The following VPS4B variants were observed in gnomAD, a reference collection of about 807,000 sequenced individuals.
The protein encoded by VPS4B is vacuolar protein sorting-associated protein 4B.
VPS4B carries 23 observed loss-of-function variants against 56.1 expected under a neutral mutation model. The observed-to-expected ratio is 0.41, with a 90% CI of 0.30 to 0.58. VPS4B has a LOEUF of 0.58. Among genes scored for constraint, VPS4B ranks in the 20% least tolerant of loss-of-function variants. The pLI, the probability that VPS4B is intolerant of heterozygous loss-of-function variation, is 0.29. For synonymous variants in VPS4B, 177 were observed against 186.0 expected (o/e 0.95, Z 0.39); for missense variants, 372 against 531.9 (o/e 0.70, Z 2.96).
intron 1 of VPS4B, among the ~76,000 whole-genome samples, chr18:63,419,404 G>A (rs1449763664): frequency 6.6e-6 from 1 of 151,468 alleles, no homozygotes; most frequent in Non-Finnish European, 1.5e-5. Flanking sequence ...GCAATAGAGT[G>A]AGACTCTGTC....
chr18:63,404,181 A>C (rs1336180279), intron 4 of VPS4B, among the ~76,000 whole-genome samples: 3 of 152,212 alleles, frequency 2.0e-5, no homozygotes, highest in Non-Finnish European at 4.4e-5. Flanking sequence ...ACGTTCCATA[A>C]GGTGGTTATA....
intron 5 of VPS4B, among the ~76,000 whole-genome samples, chr18:63,401,515 C>T (rs1915808362): frequency 6.6e-6 from 1 of 152,042 alleles, no homozygotes; most frequent in African/African-American, 2.4e-5. Flanking sequence ...CAGCCTCCAG[C>T]TAGGTAGCAG....
chr18:63,407,153 G>T (rs565292693), intron 4 of VPS4B, among the ~76,000 whole-genome samples: 1 of 152,220 alleles, frequency 6.6e-6, no homozygotes, highest in East Asian at 1.9e-4. Flanking sequence ...TCTCTAAAAG[G>T]CGGCAAATAA....
At chr18:63,409,258 A>G (rs1644407919) in intron 3 of VPS4B, among the ~76,000 whole-genome samples, 1 of 152,218 alleles carries the variant, frequency 6.6e-6, no homozygotes. Context: ...CATAGTTTGA[A>G]GCAGCCAAGT....
chr18:63,407,009 G>C (rs1166885661), intron 4 of VPS4B, among the ~76,000 whole-genome samples: 1 of 152,170 alleles, frequency 6.6e-6, no homozygotes, highest in Non-Finnish European at 1.5e-5. Context: ...GAGCAGTTAA[G>C]AAACAAAATA....
In VPS4B at chr18:63,422,353, TG is replaced by T; in HGVS notation, c.-95del. On this transcript the variant is annotated 5_prime_UTR_variant, in exon 1 of 11. Coordinates refer to ENST00000238497, the MANE Select transcript of VPS4B (RefSeq NM_004869.4). Reference sequence around the variant, plus strand: ...GCGCACGGGGTAACAGCCCTCAAACTGGGGAGGCCGGTGGTTCTCGGACCGC... The same window carrying T: ...GCGCACGGGGTAACAGCCCTCAAACTGGGAGGCCGGTGGTTCTCGGACCGC... 8.0e-7 allele frequency: 1 copy of T among 1,252,362 alleles called. No homozygotes were observed. The highest frequency in any genetic ancestry group is 1.1e-6 in the Non-Finnish European group (1 of 951,374). 77.6% of individuals were successfully genotyped at this position (1,252,362 alleles called of 1,614,324 possible).
At chr18:63,404,412 G>C (rs1460383453) in intron 4 of VPS4B, 1 of 152,122 alleles carries the variant, frequency 6.6e-6, no homozygotes, top group Non-Finnish European at 1.5e-5. Context: ...AGATACCCCT[G>C]CAGATTTGCA....
intron 4 of VPS4B, among the ~76,000 whole-genome samples, chr18:63,404,954 G>C (rs146880126): frequency 6.6e-6 from 1 of 151,816 alleles, no homozygotes. Flanking sequence ...AATTCATTTC[G>C]TCTTTTTTAT....
intron 1 of VPS4B, among the ~76,000 whole-genome samples, chr18:63,414,040 T>C (rs945493547): frequency 6.6e-6 from 1 of 152,006 alleles, no homozygotes; most frequent in Non-Finnish European, 1.5e-5. Context: ...AGACTGGTCA[T>C]ATAAAAATGC....
intron 6 of VPS4B, 64 bp from the exon 7 acceptor site, chr18:63,400,260 A>G (rs1568085457): frequency 6.9e-7 from 1 of 1,441,304 alleles, no homozygotes. Flanking sequence ...AAAGTAATAT[A>G]TCAATATTAC....
chr18:63,421,896 C>T (rs1236329811), intron 1 of VPS4B, among the ~76,000 whole-genome samples: 1 of 152,182 alleles, frequency 6.6e-6, no homozygotes, highest in Non-Finnish European at 1.5e-5. Flanking sequence ...TTCAACTGGT[C>T]CAGAATAGGG....
chr18:63,392,115 T>G (rs1915560788), intron 10 of VPS4B, among the ~76,000 whole-genome samples: 1 of 152,216 alleles, frequency 6.6e-6, no homozygotes, highest in Non-Finnish European at 1.5e-5. Context: ...TGTATATCTA[T>G]GTACCGTGTA....
In VPS4B at chr18:63,410,588, A is replaced by G. The variant is rs1255762086; in HGVS notation, c.140-142T>C. The G allele has an allele frequency of 1.6e-5, 18 of 1,123,264 alleles. No homozygotes were observed. In the Middle Eastern group the frequency reaches 8.8e-4, roughly 55 times the overall value. The allele number at this position is 1,123,264 out of a possible 1,614,324, so 69.6% of individuals were successfully genotyped here. ...GATCATCTCTAACTCATCATAGCCAATGATTATCACCTCTTTTCTACCCCT... is the reference window on the plus strand; with the variant it reads ...GATCATCTCTAACTCATCATAGCCAGTGATTATCACCTCTTTTCTACCCCT... On this transcript the variant is annotated intron_variant, in intron 2 of 10. Coordinates refer to ENST00000238497, the MANE Select transcript of VPS4B (RefSeq NM_004869.4).
Position 63,393,454 on chromosome 18 carries a change from C to T in VPS4B, c.1188G>A (p.Trp396Ter). ...PGDPGAIEMT[W>*]MDVPGDKLLE... ...AAAGTTTATCTCCAGGGACATCCAT[C>T]CATGTCATTTCAATGGCACCAGGGT... is the stretch of plus-strand genomic sequence containing the variant. Residue 396 changes from tryptophan (W) to a stop codon, truncating the protein, a stop_gained, in exon 10 of 11, where the codon TGG becomes TGA. Coordinates refer to ENST00000238497, the MANE Select transcript of VPS4B (RefSeq NM_004869.4). LOFTEE classifies it high-confidence loss of function. The T allele has an allele frequency of 6.2e-7, 1 of 1,612,120 alleles. No homozygotes were observed. The highest frequency in any genetic ancestry group is 1.1e-5 in the South Asian group (1 of 90,650).
At position 63,389,792 on chromosome 18, in the gene VPS4B, C is replaced by T. The variant is rs1455135701; in HGVS notation, c.*1183G>A. ...AATATACATATATGTACACAGACAC[C>T]CCATATCACAGACAAGAAACTTCCC... On this transcript the variant is annotated 3_prime_UTR_variant, in exon 11 of 11. Transcript: ENST00000238497. The T allele has an allele frequency of 1.3e-5, 2 of 152,604 alleles. No homozygotes were observed. Among genetic ancestry groups the T allele is most frequent in the South Asian group, 2.1e-4 (1 of 4,810 alleles). The allele number at this position is 152,604 out of a possible 1,614,324, so 9.5% of individuals were successfully genotyped here. A position where few individuals can be genotyped will look rare whatever the true frequency, so the allele number is the denominator to read the frequency against.
intron 1 of VPS4B, among the ~76,000 whole-genome samples, chr18:63,417,256 T>C (rs1916188932): frequency 6.6e-6 from 1 of 152,212 alleles, no homozygotes; most frequent in Admixed American, 6.5e-5. Flanking sequence ...GTGTTAGTTC[T>C]GTTTCTCTGC....
chr18:63,395,462 T>C (rs1915649275), intron 9 of VPS4B, among the ~76,000 whole-genome samples: 1 of 152,090 alleles, frequency 6.6e-6, no homozygotes, highest in African/African-American at 2.4e-5. Context: ...ATTTTAGAAA[T>C]GATAAAAATG....
chr18:63,409,466 A>G (rs1915986148), intron 3 of VPS4B, among the ~76,000 whole-genome samples: 1 of 152,140 alleles, frequency 6.6e-6, no homozygotes, highest in South Asian at 2.1e-4. Context: ...TTTCAAACCC[A>G]AGCAGGCCAG....
chr18:63,393,578 A>T, intron 9 of VPS4B, 29 bp from the exon 10 acceptor site: 1 of 1,529,036 alleles, frequency 6.5e-7, no homozygotes, highest in Non-Finnish European at 8.8e-7. Flanking sequence ...TGAAATATGT[A>T]TTTGAAACAA....
Sources: gnomAD v4.1 joint callset for allele counts (sites outside exome capture counted in the v4.1 genomes callset) on GRCh38, gnomAD v4.1.1 for gene constraint, MANE v1.5 for transcripts, NCBI Gene and HGNC (gene_info 2026-07-23, HGNC 2026-07-21) for gene names.